The following ASIC2 variants were observed in gnomAD, a reference collection of about 807,000 sequenced individuals.
The protein encoded by ASIC2 is acid sensing ion channel subunit 2, also known as acid-sensing ion channel 2.
Under a neutral mutation model 57.3 loss-of-function variants are expected in ASIC2, and 25 were observed. That is an observed-to-expected ratio of 0.44 (90% CI 0.32 to 0.61). ASIC2 has a LOEUF of 0.61. Among genes scored for constraint, ASIC2 ranks in the 20% least tolerant of loss-of-function variants. The probability of loss-of-function intolerance (pLI) is 0.06; values close to 1 mark genes in which losing one functional copy is unlikely to be tolerated. For missense variants in ASIC2, 641 were observed against 738.1 expected (o/e 0.87, Z 1.52); for synonymous variants, 319 against 307.5 (o/e 1.04, Z -0.39).
At chr17:34,013,329 A>G (rs1330380473) in intron 1 of ASIC2, among the ~76,000 whole-genome samples, 1 of 152,120 alleles carries the variant, frequency 6.6e-6, no homozygotes, top group African/African-American at 2.4e-5. Context: ...AGACTGTAGA[A>G]CTAGAATGCT....
chr17:33,333,767 G>C (rs1459636460), intron 1 of ASIC2, among the ~76,000 whole-genome samples: 1 of 152,180 alleles, frequency 6.6e-6, no homozygotes, highest in African/African-American at 2.4e-5. Flanking sequence ...GTGCCTATAG[G>C]CTCCAAGGGG....
chr17:33,662,283 AATGAAGGGTGTGTT>A (rs531594131), intron 1 of ASIC2, among the ~76,000 whole-genome samples: 74 of 152,216 alleles, frequency 4.9e-4, no homozygotes, highest in Middle Eastern at 3.4e-3. Context: ...GTGATAATTA[AATGAAGGGTGTGTT>A]ATGAATTTAG....
At chr17:33,959,174 C>T (rs1356921571) in intron 1 of ASIC2, among the ~76,000 whole-genome samples, 1 of 152,134 alleles carries the variant, frequency 6.6e-6, no homozygotes, top group African/African-American at 2.4e-5. Flanking sequence ...TCTTCTGAGC[C>T]CTCCAAGTCT....
chr17:33,218,571 C>T (rs1275733856), intron 1 of ASIC2, among the ~76,000 whole-genome samples: 1 of 151,616 alleles, frequency 6.6e-6, no homozygotes, highest in African/African-American at 2.4e-5. Flanking sequence ...ATAGGACATG[C>T]CTATTAAGTG....
chr17:33,693,922 A>G (rs866175709), intron 1 of ASIC2, among the ~76,000 whole-genome samples: 3 of 152,286 alleles, frequency 2.0e-5, no homozygotes, highest in Admixed American at 6.5e-5. Context: ...GTCACGACCA[A>G]TTTGTTGGAG....
chr17:33,088,035 A>G (rs1170325314), intron 3 of ASIC2, among the ~76,000 whole-genome samples: 4 of 151,876 alleles, frequency 2.6e-5, no homozygotes, highest in African/African-American at 9.7e-5. Flanking sequence ...TCCCTTTCCC[A>G]CACCCCAGAG....
At chr17:33,267,940 T>C (rs955613494) in intron 1 of ASIC2, among the ~76,000 whole-genome samples, 1 of 152,206 alleles carries the variant, frequency 6.6e-6, no homozygotes, top group Non-Finnish European at 1.5e-5. Context: ...TCTCTTCTTT[T>C]GGTCACAAGA....
chr17:33,020,186 G>A (rs1048695179), intron 7 of ASIC2, among the ~76,000 whole-genome samples: 1 of 152,118 alleles, frequency 6.6e-6, no homozygotes, highest in East Asian at 1.9e-4. Context: ...TGAGCCCTGG[G>A]TCCCTGGCAT....
chr17:33,405,738 T>C (rs368816186), intron 1 of ASIC2, among the ~76,000 whole-genome samples: 2 of 152,034 alleles, frequency 1.3e-5, no homozygotes, highest in African/African-American at 4.8e-5. Context: ...CGCCTTGGCC[T>C]CCCAAAGTGC....
chr17:33,638,692 CTGCCAG>C (rs908601706), intron 1 of ASIC2, among the ~76,000 whole-genome samples: 2 of 152,174 alleles, frequency 1.3e-5, no homozygotes, highest in Non-Finnish European at 2.9e-5. Flanking sequence ...ATAGCAGCTC[CTGCCAG>C]TGCCCCACCT....
chr17:33,317,638 T>C (rs941032268), intron 1 of ASIC2, among the ~76,000 whole-genome samples: 1 of 152,110 alleles, frequency 6.6e-6, no homozygotes, highest in Non-Finnish European at 1.5e-5. Context: ...GAGTACCATG[T>C]GGAATCAGAG....
chr17:33,022,246 G>A (rs911941225), intron 6 of ASIC2, among the ~76,000 whole-genome samples: 6 of 151,964 alleles, frequency 3.9e-5, no homozygotes, highest in African/African-American at 1.5e-4. Flanking sequence ...CTTCTCTATC[G>A]CCGCCTGAAG....
At chr17:33,031,746 TTC>T (rs1449288516) in intron 3 of ASIC2, among the ~76,000 whole-genome samples, 1 of 152,194 alleles carries the variant, frequency 6.6e-6, no homozygotes, top group Non-Finnish European at 1.5e-5. Context: ...CCCTTTAGTT[TTC>T]TCAATTTTTG....
intron 1 of ASIC2, among the ~76,000 whole-genome samples, chr17:33,645,888 C>T (rs568644314): frequency 6.6e-6 from 1 of 152,266 alleles, no homozygotes; most frequent in Non-Finnish European, 1.5e-5. Context: ...GCCATAACTT[C>T]TTAACATGTA....
chr17:33,402,983 A>G (rs1432805587), intron 1 of ASIC2, among the ~76,000 whole-genome samples: 2 of 152,220 alleles, frequency 1.3e-5, no homozygotes, highest in Non-Finnish European at 2.9e-5. Context: ...GAGATTGTGG[A>G]GAAATAGGAA....
At chr17:33,346,671 G>A (rs534033842) in intron 1 of ASIC2, among the ~76,000 whole-genome samples, 33 of 152,282 alleles carry the variant, frequency 2.2e-4, no homozygotes, top group African/African-American at 7.5e-4. Flanking sequence ...TGCAACTTGA[G>A]CTCAGATAAG....
At chr17:34,143,898 T>C (rs1912342936) in intron 1 of ASIC2, among the ~76,000 whole-genome samples, 1 of 151,646 alleles carries the variant, frequency 6.6e-6, no homozygotes, top group African/African-American at 2.4e-5. Context: ...ACTAAACCTC[T>C]TTTTTTTTCT....
At chr17:33,522,379 G>A (rs1011417197) in intron 1 of ASIC2, among the ~76,000 whole-genome samples, 1 of 152,214 alleles carries the variant, frequency 6.6e-6, no homozygotes, top group Non-Finnish European at 1.5e-5. Context: ...TGAGCTGAAG[G>A]CCCACCGGCT....
chr17:33,446,538 T>C (rs1912024468), intron 1 of ASIC2, among the ~76,000 whole-genome samples: 1 of 152,188 alleles, frequency 6.6e-6, no homozygotes, highest in African/African-American at 2.4e-5. Flanking sequence ...CCTGCAGGAC[T>C]TCTCAGTGCG....
Sources: gnomAD v4.1 joint callset for allele counts (sites outside exome capture counted in the v4.1 genomes callset) on GRCh38, gnomAD v4.1.1 for gene constraint, MANE v1.5 for transcripts, NCBI Gene and HGNC (gene_info 2026-07-23, HGNC 2026-07-21) for gene names.